Variants in BLOC1S2 observed in about 807,000 individuals in gnomAD.
The protein encoded by BLOC1S2 is biogenesis of lysosomal organelles complex 1 subunit 2.
In BLOC1S2, 12 loss-of-function variants were observed where a neutral mutation model predicts 19.6. The observed-to-expected ratio is 0.61, with a 90% CI of 0.39 to 0.99. The LOEUF (loss-of-function observed/expected upper bound fraction) is 0.99, where lower values mean the gene tolerates loss of function less well. BLOC1S2 is among the 50% of genes least tolerant of loss of function. BLOC1S2 has a pLI of 0.00. For synonymous variants in BLOC1S2, 66 were observed against 64.1 expected, an observed-to-expected ratio of 1.03 and a Z score of -0.14; for missense variants, 142 against 171.0, an observed-to-expected ratio of 0.83 and a Z score of 0.95.
intron 2 of BLOC1S2, among the ~76,000 whole-genome samples, chr10:100,283,216 C>G (rs944690863): frequency 3.3e-5 from 5 of 152,200 alleles, no homozygotes; most frequent in African/African-American, 1.2e-4. Context: ...ATAAAGTCCA[C>G]TTCTGTAATG....
At chr10:100,282,563 G>A (rs1221324323) in intron 2 of BLOC1S2, among the ~76,000 whole-genome samples, 2 of 152,188 alleles carry the variant, frequency 1.3e-5, no homozygotes, top group East Asian at 3.8e-4. Flanking sequence ...GCTCTTCTTA[G>A]ATGTCTATGC....
Position 100,274,987 on chromosome 10 carries a change from T to A in BLOC1S2, c.*475A>T, listed in dbSNP as rs1847816641. 1 of 398,908 alleles carries A rather than the reference T, an allele frequency of 2.5e-6. No homozygotes were observed. Among genetic ancestry groups the A allele is most frequent in the Non-Finnish European group, 4.4e-6 (1 of 226,218 alleles). 24.7% of individuals were successfully genotyped at this position (398,908 alleles called of 1,614,324 possible). A position where few individuals can be genotyped will look rare whatever the true frequency, so the allele number is the denominator to read the frequency against. ...TAAGTTACCGACATTCACAAGGTGA[T>A]AAGCTGCAAAGAACAAGTTTGTTTT... On this transcript the variant is annotated 3_prime_UTR_variant, in exon 5 of 5. Transcript: ENST00000370372.
rs774349725 is a variant in BLOC1S2 at position 100,274,051 on chromosome 10, G to C, written c.*1411C>G. ...AGGCTGTGGTAAGAGAATCACTTGA[G>C]GCCAGTTCAAGACCAGCCTGGACAA... On this transcript the variant is annotated 3_prime_UTR_variant, in exon 5 of 5. Coordinates refer to ENST00000370372, the MANE Select transcript of BLOC1S2 (RefSeq NM_173809.5). 2 of 151,842 alleles carry C rather than the reference G, an allele frequency of 1.3e-5. No homozygotes were observed. The highest frequency in any genetic ancestry group is 2.9e-5 in the Non-Finnish European group (2 of 67,978). 9.4% of individuals were successfully genotyped at this position (151,842 alleles called of 1,614,324 possible). A position where few individuals can be genotyped will look rare whatever the true frequency, so the allele number is the denominator to read the frequency against.
intron 2 of BLOC1S2, among the ~76,000 whole-genome samples, chr10:100,281,631 C>T (rs557453861): frequency 1.3e-5 from 2 of 149,324 alleles, no homozygotes; most frequent in East Asian, 3.9e-4. Context: ...TGCAGTGAGC[C>T]GAGATTGTGC....
chr10:100,280,077 G>T, intron 4 of BLOC1S2, 47 bp downstream of exon 4: 2 of 1,442,912 alleles, frequency 1.4e-6, no homozygotes, highest in Non-Finnish European at 1.9e-6. Context: ...GAATATGCTG[G>T]CAAGAAGCAG....
intron 4 of BLOC1S2, 60 bp downstream of exon 4, chr10:100,280,064 T>C (rs1178852686): frequency 7.5e-7 from 1 of 1,337,396 alleles, no homozygotes; most frequent in Non-Finnish European, 1.1e-6. Context: ...TTATGTTTAC[T>C]AAGAATATGC....
chr10:100,286,277 C>G, intron 1 of BLOC1S2, 64 bp from the exon 2 acceptor site: 1 of 1,561,644 alleles, frequency 6.4e-7, no homozygotes, highest in Non-Finnish European at 8.7e-7. Flanking sequence ...CCAAAGCAGC[C>G]TGTTCCGACA....
Position 100,278,973 on chromosome 10 carries a change from G to C in BLOC1S2, c.397+1151C>G, listed in dbSNP as rs193025095. On this transcript the variant is annotated intron_variant, in intron 4 of 4. Coordinates refer to ENST00000370372, the MANE Select transcript of BLOC1S2 (RefSeq NM_173809.5). ...GTGATGGTGCACACCTGTAGTCCCA[G>C]GTACTCAGGAGGCTGAGGAAGGAGG... Among the ~76,000 whole-genome samples, 3 of 152,178 alleles carry C rather than the reference G, an allele frequency of 2.0e-5. No individual in the cohort carries two copies. The East Asian group carries it at 5.8e-4, about 29-fold the overall frequency.
intron 3 of BLOC1S2, among the ~76,000 whole-genome samples, chr10:100,280,659 T>G (rs953662714): frequency 6.6e-6 from 1 of 152,200 alleles, no homozygotes; most frequent in African/African-American, 2.4e-5. Flanking sequence ...CTTTATGGAT[T>G]TGTAAATCAA....
Position 100,282,976 on chromosome 10 carries a change from C to T in BLOC1S2, c.173-1923G>A, listed in dbSNP as rs117725201. 6.8e-3 allele frequency: 2,723 copies of T among 398,544 alleles called. 11 individuals are homozygous for T. Among genetic ancestry groups the T allele is most frequent in the Non-Finnish European group, 9.2e-3 (2,069 of 226,030 alleles). The allele number at this position is 398,544 out of a possible 1,614,324, so 24.7% of individuals were successfully genotyped here. ...AATCACACCACTACGAAAGTGACTC[C>T]GAAATCTGTTTCTTGTGCTCTGATC... On this transcript the variant is annotated intron_variant, in intron 2 of 4. Transcript: ENST00000370372.
chr10:100,278,132 G>A (rs1239279276), intron 4 of BLOC1S2, among the ~76,000 whole-genome samples: 2 of 138,838 alleles, frequency 1.4e-5, no homozygotes, highest in Non-Finnish European at 1.6e-5. Flanking sequence ...GCCCCCTCCC[G>A]GCCAGCCACC....
At position 100,281,199 on chromosome 10, in the gene BLOC1S2, C is replaced by T. The variant is rs1351460449; in HGVS notation, c.173-146G>A. On this transcript the variant is annotated intron_variant, in intron 2 of 4. Transcript: ENST00000370372. ...CTTTTGATCTATGACATTTATAACTCAGCCTATGTACTCTGAAAGTCTAGG... is the reference window on the plus strand; with the variant it reads ...CTTTTGATCTATGACATTTATAACTTAGCCTATGTACTCTGAAAGTCTAGG... The T allele has an allele frequency of 3.3e-6, 3 of 921,152 alleles. No homozygotes were observed. The South Asian group carries it at 4.7e-5, about 14-fold the overall frequency. 57.1% of individuals were successfully genotyped at this position (921,152 alleles called of 1,614,324 possible). A position where few individuals can be genotyped will look rare whatever the true frequency, so the allele number is the denominator to read the frequency against.
At chr10:100,281,419 C>T (rs1564873641) in intron 2 of BLOC1S2, among the ~76,000 whole-genome samples, 1 of 152,184 alleles carries the variant, frequency 6.6e-6, no homozygotes, top group South Asian at 2.1e-4. Context: ...GGCGCGGTGG[C>T]TCATGCGTGT....
intron 4 of BLOC1S2, among the ~76,000 whole-genome samples, chr10:100,279,098 A>AC (rs1213053030): frequency 6.6e-6 from 1 of 151,988 alleles, no homozygotes; most frequent in Non-Finnish European, 1.5e-5. Context: ...TATAGAAAAA[A>AC]AAAACAAAAC....
chr10:100,286,139 T>A lies in BLOC1S2; in HGVS notation c.130A>T (p.Met44Leu). Reference sequence around the variant, plus strand: ...AGGTAAGTGGCCATTTTGGAGAACATGTCCCGGCAGAGCTCAGTGATGTCA... The same window carrying A: ...AGGTAAGTGGCCATTTTGGAGAACAAGTCCCGGCAGAGCTCAGTGATGTCA... ...EADITELCRD[M>L]FSKMATYLTG... The change falls in exon 2 of 5, where the codon ATG becomes TTG. Residue 44 changes from methionine (M) to leucine (L), a missense_variant. Transcript: ENST00000370372. 6.2e-7 allele frequency: 1 copy of A among 1,614,052 alleles called. No individual in the cohort carries two copies. The highest frequency in any genetic ancestry group is 1.3e-5 in the African/African-American group (1 of 75,022).
chr10:100,285,959 T>C (rs1440310956), intron 2 of BLOC1S2, 138 bp downstream of exon 2: 3 of 1,205,462 alleles, frequency 2.5e-6, no homozygotes, highest in Non-Finnish European at 2.3e-6. Context: ...TTCTCTCCCA[T>C]TCATGGCCTC....
intron 2 of BLOC1S2, among the ~76,000 whole-genome samples, chr10:100,281,465 A>G (rs1848099940): frequency 6.6e-6 from 1 of 152,036 alleles, no homozygotes; most frequent in African/African-American, 2.4e-5. Flanking sequence ...GCGGGTGATC[A>G]CGAGGTCAGG....
At chr10:100,280,076 G>A in intron 4 of BLOC1S2, 48 bp downstream of exon 4, 1 of 1,434,902 alleles carries the variant, frequency 7.0e-7, no homozygotes, top group Non-Finnish European at 9.8e-7. Context: ...AGAATATGCT[G>A]GCAAGAAGCA....
chr10:100,277,532 GCTGTC>G (rs1279619032), intron 4 of BLOC1S2, among the ~76,000 whole-genome samples: 58 of 112,334 alleles, frequency 5.2e-4, no homozygotes, highest in Non-Finnish European at 6.3e-4. Flanking sequence ...CGCCTGGCCA[GCTGTC>G]CCGTCCGGGA....
Sources: allele counts gnomAD v4.1 joint callset (sites outside exome capture counted in the v4.1 genomes callset), GRCh38; gene constraint gnomAD v4.1.1; transcripts MANE v1.5; gene names NCBI Gene and HGNC (gene_info 2026-07-23, HGNC 2026-07-21).